Variants in DIAPH2 observed in about 807,000 individuals in gnomAD.
DIAPH2 encodes protein diaphanous homolog 2.
In DIAPH2, 35 loss-of-function variants were observed where a neutral mutation model predicts 92.7. That is an observed-to-expected ratio of 0.38 (90% CI 0.29 to 0.50). The LOEUF is 0.50. Ranked by LOEUF, DIAPH2 falls within the 20% of genes least tolerant of loss-of-function variation. The probability of loss-of-function intolerance (pLI) is 0.94; values close to 1 mark genes in which losing one functional copy is unlikely to be tolerated. For missense variants in DIAPH2, 701 were observed against 819.5 expected (o/e 0.86, Z 1.77); for synonymous variants, 301 against 280.4 (o/e 1.07, Z -0.73).
At chrX:97,297,927 G>A (rs1308337777) in intron 23 of DIAPH2, among the ~76,000 whole-genome samples, 1 of 110,195 alleles carries the variant, frequency 9.1e-6, no homozygotes, top group Non-Finnish European at 1.9e-5. Context: ...TGTTAAGATT[G>A]ATGTAAGAAT....
chrX:97,475,984 CATATT>C (rs1229380624), intron 26 of DIAPH2, among the ~76,000 whole-genome samples: 1 of 111,795 alleles, frequency 8.9e-6, no homozygotes, highest in Admixed American at 9.5e-5. Flanking sequence ...CTATGTGCAT[CATATT>C]ATATGTAAAA....
At chrX:97,565,589 A>G (rs2147871212) in intron 26 of DIAPH2, among the ~76,000 whole-genome samples, 1 of 112,639 alleles carries the variant, frequency 8.9e-6, no homozygotes, top group South Asian at 3.6e-4. Context: ...TTAGTTATAC[A>G]GATATATTCA....
intron 3 of DIAPH2, among the ~76,000 whole-genome samples, chrX:96,746,312 T>C (rs2064149868): frequency 8.9e-6 from 1 of 112,095 alleles, no homozygotes; most frequent in African/African-American, 3.2e-5. Flanking sequence ...TACCAACTAC[T>C]AACTGAAAAT....
At chrX:97,511,000 T>G (rs1225479022) in intron 26 of DIAPH2, among the ~76,000 whole-genome samples, 2 of 109,294 alleles carry the variant, frequency 1.8e-5, no homozygotes, top group African/African-American at 6.6e-5. Context: ...TGGGCTCTTT[T>G]TTGGTTCCAT....
At chrX:96,892,653 T>C (rs529023090) in intron 5 of DIAPH2, among the ~76,000 whole-genome samples, 1 of 112,021 alleles carries the variant, frequency 8.9e-6, no homozygotes, top group South Asian at 3.7e-4. Flanking sequence ...TAGATTTATG[T>C]GTCATACATT....
chrX:97,310,040 A>G (rs2068780398), intron 23 of DIAPH2, among the ~76,000 whole-genome samples: 1 of 112,305 alleles, frequency 8.9e-6, no homozygotes, highest in African/African-American at 3.2e-5. Flanking sequence ...AGAGAAATTT[A>G]AAGAAATCCT....
intron 8 of DIAPH2, 94 bp from the exon 9 acceptor site, chrX:96,918,415 C>G: frequency 1.9e-6 from 1 of 526,477 alleles, no homozygotes; most frequent in Middle Eastern, 3.8e-4. Context: ...ACATCAAATA[C>G]CAGAAAGAAA....
At chrX:96,844,554 A>G (rs1194194138) in intron 4 of DIAPH2, among the ~76,000 whole-genome samples, 2 of 112,572 alleles carry the variant, frequency 1.8e-5, no homozygotes, top group East Asian at 2.8e-4. Flanking sequence ...TAATATAAAA[A>G]TAAATTCCAT....
intron 4 of DIAPH2, among the ~76,000 whole-genome samples, chrX:96,860,272 T>C (rs1395785773): frequency 8.9e-6 from 1 of 112,156 alleles, no homozygotes; most frequent in Admixed American, 9.5e-5. Context: ...TTAATATTGT[T>C]AGTATCCATG....
At chrX:97,228,718 G>T (rs1238119395) in intron 22 of DIAPH2, among the ~76,000 whole-genome samples, 1 of 111,517 alleles carries the variant, frequency 9.0e-6, no homozygotes, top group Non-Finnish European at 1.9e-5. Context: ...ACTCATTAAA[G>T]GGTGACACTA....
intron 23 of DIAPH2, among the ~76,000 whole-genome samples, chrX:97,254,043 G>A (rs2068214026): frequency 8.9e-6 from 1 of 111,932 alleles, no homozygotes; most frequent in East Asian, 2.8e-4. Context: ...TCTTGCTGAA[G>A]GCAGGCAAGG....
At chrX:97,439,593 G>T (rs1436791894) in intron 26 of DIAPH2, among the ~76,000 whole-genome samples, 7 of 108,805 alleles carry the variant, frequency 6.4e-5, no homozygotes, top group Non-Finnish European at 1.1e-4. Context: ...GAAAAGAAAA[G>T]AAAATTAGCC....
At chrX:97,390,264 G>T (rs11796737) in intron 25 of DIAPH2, among the ~76,000 whole-genome samples, 4 of 75,421 alleles carry the variant, frequency 5.3e-5, no homozygotes, top group African/African-American at 2.2e-4. Context: ...CTGTTGCCAA[G>T]ACTGGAGTGC....
chrX:96,832,425 G>T (rs896170402), intron 4 of DIAPH2, among the ~76,000 whole-genome samples: 4 of 110,860 alleles, frequency 3.6e-5, no homozygotes, highest in Non-Finnish European at 7.5e-5. Flanking sequence ...AGAGAAAAGG[G>T]GCAGAAATAG....
chrX:97,476,682 G>T (rs778911820), intron 26 of DIAPH2, among the ~76,000 whole-genome samples: 1 of 108,680 alleles, frequency 9.2e-6, no homozygotes, highest in Non-Finnish European at 1.9e-5. Context: ...ATACATGGCC[G>T]GGCGCCGTGG....
chrX:97,286,795 C>A (rs1222954096), intron 23 of DIAPH2, among the ~76,000 whole-genome samples: 1 of 111,074 alleles, frequency 9.0e-6, no homozygotes, highest in African/African-American at 3.3e-5. Context: ...GGCACCTTGG[C>A]CTCTTCAGGA....
At chrX:96,720,595 G>A (rs1569374466) in intron 1 of DIAPH2, among the ~76,000 whole-genome samples, 1 of 111,490 alleles carries the variant, frequency 9.0e-6, no homozygotes, top group Non-Finnish European at 1.9e-5. Context: ...CTTTAAGCTA[G>A]AACATTCTCA....
chrX:96,718,904 G>A (rs1295493396), intron 1 of DIAPH2, among the ~76,000 whole-genome samples: 2 of 111,616 alleles, frequency 1.8e-5, no homozygotes, highest in Non-Finnish European at 3.8e-5. Flanking sequence ...CACCGACAGT[G>A]TACGAGGAAT....
rs758883733 is a variant in DIAPH2, at chrX:96,896,481, A to T, written c.587+14763A>T. Among the ~76,000 whole-genome samples the T allele has an allele frequency of 1.3e-3, 151 of 112,154 alleles. 1 individual carries two copies. The highest frequency in any genetic ancestry group is 4.7e-3 in the African/African-American group (146 of 31,038). On this transcript the variant is annotated intron_variant, in intron 5 of 26. Coordinates refer to ENST00000324765, the MANE Select transcript of DIAPH2 (RefSeq NM_006729.5). Reference sequence around the variant, plus strand: ...CTAACCTTCTTTAGTTTCTTCATCTACAAAATGGAGTAACTTATTTTATTT... The same window carrying T: ...CTAACCTTCTTTAGTTTCTTCATCTTCAAAATGGAGTAACTTATTTTATTT...
Sources: allele counts gnomAD v4.1 joint callset (sites outside exome capture counted in the v4.1 genomes callset), GRCh38; gene constraint gnomAD v4.1.1; transcripts MANE v1.5; gene names NCBI Gene and HGNC (gene_info 2026-07-23, HGNC 2026-07-21).